CYRIB: variants seen among roughly 807,000 people sequenced by gnomAD.
The protein encoded by CYRIB is CYFIP related Rac1 interactor B, also known as CYFIP-related Rac1 interactor B.
CYRIB carries 8 observed loss-of-function variants against 44.2 expected under a neutral mutation model. That is an observed-to-expected ratio of 0.18 (90% confidence interval 0.11 to 0.33). The LOEUF (loss-of-function observed/expected upper bound fraction) is 0.33. Among genes scored for constraint, CYRIB ranks in the 10% least tolerant of loss-of-function variants. The pLI is 1.00. For synonymous variants in CYRIB, 131 were observed against 127.2 expected, an observed-to-expected ratio of 1.03 and a Z score of -0.20; for missense variants, 185 against 382.8, an observed-to-expected ratio of 0.48 and a Z score of 4.31.
At chr8:129,868,987 C>T (rs2055457341) in intron 4 of CYRIB, among the ~76,000 whole-genome samples, 1 of 138,388 alleles carries the variant, frequency 7.2e-6, no homozygotes, top group Admixed American at 7.5e-5. Flanking sequence ...TGCTTGAGGC[C>T]AAGAGTTCAA....
intron 2 of CYRIB, among the ~76,000 whole-genome samples, chr8:129,955,346 G>A (rs1436153682): frequency 6.6e-6 from 1 of 151,814 alleles, no homozygotes; most frequent in Non-Finnish European, 1.5e-5. Flanking sequence ...ATAATAGCAA[G>A]GAATGGTATC....
intron 1 of CYRIB, among the ~76,000 whole-genome samples, chr8:129,930,365 T>TTTATATATATATATATATATA (rs369665802): frequency 2.0e-5 from 1 of 50,428 alleles, no homozygotes; most frequent in Non-Finnish European, 4.0e-5. Flanking sequence ...TGTGAAGTGC[T>TTTATATATATATATATATATA]TATATATATA....
intron 1 of CYRIB, among the ~76,000 whole-genome samples, chr8:130,012,982 TCCCCTTTA>T (rs958003350): frequency 2.0e-5 from 3 of 152,100 alleles, no homozygotes; most frequent in Admixed American, 2.0e-4. Context: ...TTATCAAGTA[TCCCCTTTA>T]GGGAAGAGAA....
intron 1 of CYRIB, among the ~76,000 whole-genome samples, chr8:129,980,463 T>G (rs769663823): frequency 2.0e-5 from 3 of 152,144 alleles, no homozygotes; most frequent in Non-Finnish European, 4.4e-5. Context: ...TAATACGCAG[T>G]CTTGTTTTTC....
intron 1 of CYRIB, among the ~76,000 whole-genome samples, chr8:129,927,109 C>A (rs943795208): frequency 6.6e-6 from 1 of 151,852 alleles, no homozygotes; most frequent in Non-Finnish European, 1.5e-5. Flanking sequence ...ATGGTAAAAC[C>A]CTGTCTCTAC....
chr8:129,845,361 G>C (rs1187335945), intron 11 of CYRIB, among the ~76,000 whole-genome samples: 3 of 152,136 alleles, frequency 2.0e-5, no homozygotes, highest in Non-Finnish European at 2.9e-5. Flanking sequence ...CTGAGACACA[G>C]GGAGTATTCA....
intron 1 of CYRIB, among the ~76,000 whole-genome samples, chr8:129,919,493 T>C (rs2082422578): frequency 6.6e-6 from 1 of 152,082 alleles, no homozygotes; most frequent in Non-Finnish European, 1.5e-5. Flanking sequence ...AACAAATTAC[T>C]ACAATACAGT....
At chr8:129,920,313 G>C (rs1405580728) in intron 1 of CYRIB, among the ~76,000 whole-genome samples, 1 of 151,892 alleles carries the variant, frequency 6.6e-6, no homozygotes, top group Non-Finnish European at 1.5e-5. Context: ...GAATCTAATG[G>C]GTTCAACAGA....
intron 1 of CYRIB, among the ~76,000 whole-genome samples, chr8:129,983,569 G>A (rs558322063): frequency 2.0e-4 from 31 of 152,376 alleles, no homozygotes; most frequent in Non-Finnish European, 3.5e-4. Flanking sequence ...CTGGGTGGGA[G>A]TTACTGTGCC....
chr8:129,953,543 T>G (rs1022041597), intron 2 of CYRIB, among the ~76,000 whole-genome samples: 1 of 152,160 alleles, frequency 6.6e-6, no homozygotes, highest in Non-Finnish European at 1.5e-5. Flanking sequence ...TCACTGCAAT[T>G]GTATGGTTAT....
At chr8:129,947,661 T>A (rs139301459) in intron 2 of CYRIB, among the ~76,000 whole-genome samples, 6 of 152,164 alleles carry the variant, frequency 3.9e-5, no homozygotes, top group Non-Finnish European at 8.8e-5. Flanking sequence ...AAAATACATA[T>A]GAGCAAATGA....
chr8:129,965,168 C>T (rs945986563), intron 2 of CYRIB, among the ~76,000 whole-genome samples: 1 of 152,122 alleles, frequency 6.6e-6, no homozygotes. Context: ...TAAAAGGACA[C>T]ATAGCAGGAT....
At chr8:129,841,354 C>T (rs529187603) in exon 12 of CYRIB, 1 of 151,944 alleles carries the variant, frequency 6.6e-6, no homozygotes, top group Admixed American at 6.6e-5. Context: ...ATGAAAAGAC[C>T]CGGCTCTCCC....
At chr8:129,961,708 G>A (rs2095265626) in intron 2 of CYRIB, among the ~76,000 whole-genome samples, 1 of 152,220 alleles carries the variant, frequency 6.6e-6, no homozygotes, top group Non-Finnish European at 1.5e-5. Context: ...AGATGAATGA[G>A]TGGATAAACA....
chr8:129,941,057 G>A (rs1332519466), upstream of CYRIB, among the ~76,000 whole-genome samples: 1 of 152,030 alleles, frequency 6.6e-6, no homozygotes, highest in Non-Finnish European at 1.5e-5. Context: ...TCTTCCTCTT[G>A]AGTTATGTAG....
chr8:129,921,806 A>G (rs2083765890), intron 1 of CYRIB, among the ~76,000 whole-genome samples: 1 of 152,206 alleles, frequency 6.6e-6, no homozygotes, highest in Non-Finnish European at 1.5e-5. Flanking sequence ...TGATTATGAA[A>G]TATTTTCTAT....
intron 1 of CYRIB, among the ~76,000 whole-genome samples, chr8:130,007,899 A>T (rs986163320): frequency 2.0e-5 from 3 of 150,964 alleles, no homozygotes; most frequent in Non-Finnish European, 1.5e-5. Context: ...CGTGATCCTG[A>T]TGGGAGCCCT....
At chr8:129,859,829 A>G (rs149836248) in intron 5 of CYRIB, among the ~76,000 whole-genome samples, 1 of 152,352 alleles carries the variant, frequency 6.6e-6, no homozygotes. Flanking sequence ...TGGTATAACT[A>G]TTCTTGTTTC....
Position 129,848,309 on chromosome 8 carries a change from G to A in CYRIB, c.840+934C>T, listed in dbSNP as rs183892330. The stretch of plus-strand genomic sequence containing the variant: ...AGGCAACAAGCTTGGCTAGTAATCA[G>A]TAATCGAGATCCGAAATGCTAAGAG... On this transcript the variant is annotated intron_variant, in intron 10 of 11. Coordinates refer to ENST00000519824, the Ensembl canonical transcript of CYRIB. 1.3e-3 allele frequency among the ~76,000 whole-genome samples: 204 copies of A among 152,262 alleles called. 2 individuals carry two copies. Among genetic ancestry groups the A allele is most frequent in the African/African-American group, 4.5e-3 (188 of 41,540 alleles).
Sources: gnomAD v4.1 joint callset for allele counts (sites outside exome capture counted in the v4.1 genomes callset) on GRCh38, gnomAD v4.1.1 for gene constraint, MANE v1.5 for transcripts, NCBI Gene and HGNC (gene_info 2026-07-23, HGNC 2026-07-21) for gene names.